MYO1A: variants seen among roughly 807,000 people sequenced by gnomAD.
MYO1A encodes the protein myosin IA.
Under a neutral mutation model 138.5 loss-of-function variants are expected in MYO1A, and 127 were observed. The ratio of observed to expected loss-of-function variants is 0.92; its 90% CI spans 0.79 to 1.06. The LOEUF is 1.06. Among genes scored for constraint, MYO1A ranks in the 50% least tolerant of loss-of-function variants. The probability of loss-of-function intolerance (pLI) is 0.00; values close to 1 mark genes in which losing one functional copy is unlikely to be tolerated. For missense variants in MYO1A, 1,211 were observed against 1,288.8 expected (o/e 0.94, Z 0.92); for synonymous variants, 477 against 497.5 (o/e 0.96, Z 0.55).
intron 27 of MYO1A, 53 bp downstream of exon 27, chr12:57,029,079 T>C: frequency 2.5e-6 from 4 of 1,613,618 alleles, no homozygotes; most frequent in Non-Finnish European, 3.4e-6. Flanking sequence ...ACGATGACCA[T>C]CAGCCTGGCC....
Position 57,047,330 on chromosome 12 carries a change from G to GCTGCTCCTTCACAGAGTTCAC in MYO1A, c.382_402dup (p.Val128_Gln134dup). 1 of 1,614,166 alleles carries GCTGCTCCTTCACAGAGTTCAC rather than the reference G, an allele frequency of 6.2e-7. No homozygotes were observed. Among genetic ancestry groups the GCTGCTCCTTCACAGAGTTCAC allele is most frequent in the Non-Finnish European group, 8.5e-7 (1 of 1,180,008 alleles). ...TCCAGCACTGGGTTAGACTGTAGCA[G>GCTGCTCCTTCACAGAGTTCAC]CTGCTCCTTCACAGAGTTCACCTGC... On this transcript the variant is annotated inframe_insertion, in exon 5 of 28. Transcript: ENST00000300119.
rs1266548047 is a variant in MYO1A, at chr12:57,038,525, C to G, written c.1647G>C (p.Glu549Asp). 1 of 1,614,198 alleles carries G rather than the reference C, an allele frequency of 6.2e-7. No individual in the cohort carries two copies. Among genetic ancestry groups the G allele is most frequent in the Non-Finnish European group, 8.5e-7 (1 of 1,180,048 alleles). The change falls in exon 17 of 28, where the codon GAG becomes GAC. Residue 549 changes from glutamate to aspartate, a missense_variant. Transcript: ENST00000300119. ...TGAGAGATGCCTGCTTAGGATTGCC[C>G]TCAGGAAACAAGGACCGAAGGAGGG... is the stretch of plus-strand genomic sequence containing the variant. ...QHPLLRSLFP[E>D]GNPKQASLKR... is the part of the protein sequence containing the mutation.
chr12:57,029,906 G>A (rs772583590), intron 24 of MYO1A, 34 bp from the exon 25 acceptor site: 41 of 1,613,936 alleles, frequency 2.5e-5, no homozygotes, highest in Admixed American at 1.0e-4. Flanking sequence ...AGCGCGACAA[G>A]GCCCAGAGGC....
Position 57,047,620 on chromosome 12 carries a change from G to A in MYO1A, c.325+7C>T, listed in dbSNP as rs760178185. On this transcript the variant is annotated splice_region_variant and intron_variant, in intron 4 of 27. Transcript: ENST00000300119. Reference sequence around the variant, plus strand: ...ACTCCATGTGTTCCCCCAGCCAGGGGCCTCACCAGTCTTCCCTGATCCACT... The same window carrying A: ...ACTCCATGTGTTCCCCCAGCCAGGGACCTCACCAGTCTTCCCTGATCCACT... The A allele has an allele frequency of 1.2e-6, 2 of 1,614,006 alleles. No individual in the cohort carries two copies. Among genetic ancestry groups the A allele is most frequent in the Non-Finnish European group, 1.7e-6 (2 of 1,179,850 alleles).
chr12:57,030,466 C>A, intron 23 of MYO1A, 150 bp from the exon 24 acceptor site: 1 of 660,560 alleles, frequency 1.5e-6, no homozygotes, highest in South Asian at 1.8e-5. Context: ...GAGGCCGGGG[C>A]TGGAGGACCA....
rs773332435 is a variant in MYO1A, at chr12:57,037,938, T to G, written c.1892A>C (p.Tyr631Ser). The part of the protein sequence containing the change: ...RRAGYAHRQG[Y>S]GPFLERYRLL... ...TCGGTACCTTTCCAGGAAGGGCCCA[T>G]AACCCTGGCGGTGGGCATAGCCTGC... is the stretch of plus-strand genomic sequence containing the variant. Residue 631 changes from tyrosine (Y) to serine (S), a missense_variant, in exon 18 of 28, where the codon TAT becomes TCT. By Grantham distance (144) the Tyr-to-Ser change is moderately radical (BLOSUM62 -2). Transcript: ENST00000300119. The G allele has an allele frequency of 1.2e-6, 2 of 1,614,144 alleles. No individual in the cohort carries two copies. Among genetic ancestry groups the G allele is most frequent in the Non-Finnish European group, 1.7e-6 (2 of 1,180,028 alleles).
At chr12:57,046,324 C>T (rs999800389) in intron 8 of MYO1A, among the ~76,000 whole-genome samples, 4 of 152,048 alleles carry the variant, frequency 2.6e-5, no homozygotes. Flanking sequence ...AAGGCATATC[C>T]CTGGCAATAA....
At position 57,048,114 on chromosome 12, in the gene MYO1A, GGAA is replaced by G. The variant is rs776804398; in HGVS notation, c.115-13_115-11del. On this transcript the variant is annotated splice_polypyrimidine_tract_variant and intron_variant, in intron 2 of 27. Coordinates refer to ENST00000300119, the MANE Select transcript of MYO1A (RefSeq NM_005379.4). ...CATTCCCAATGTAGGTCTGGAGCCAGGAAGAAGGTGAAGGGAATGAGCTTGAGG... is the reference window on the plus strand; with the variant it reads ...CATTCCCAATGTAGGTCTGGAGCCAGGAAGGTGAAGGGAATGAGCTTGAGG... The G allele has an allele frequency of 4.3e-6, 7 of 1,611,814 alleles. No individual in the cohort carries two copies. Among genetic ancestry groups the G allele is most frequent in the South Asian group, 1.1e-5 (1 of 91,040 alleles).
At chr12:57,051,036 C>T (rs2031316285), upstream of MYO1A, 1 of 152,242 alleles carries the variant, frequency 6.6e-6, no homozygotes, top group African/African-American at 2.4e-5. Context: ...ATAAGAAGTA[C>T]CCCTTCATCC....
At position 57,043,911 on chromosome 12, in the gene MYO1A, C is replaced by T; in HGVS notation, c.837G>A (p.Val279=). Residue 279 remains valine (V), a synonymous_variant, in exon 10 of 28, where the codon GTG becomes GTA. Transcript: ENST00000300119. ...TCCCACTGGCCTGGAACTCATCAGCCACCAACACGTTCCCCAGCTTTAGCA... is the reference window on the plus strand; with the variant it reads ...TCCCACTGGCCTGGAACTCATCAGCTACCAACACGTTCCCCAGCTTTAGCA... ...SMVLKLGNVL[V]ADEFQASGIP... 1 of 1,614,212 alleles carries T rather than the reference C, an allele frequency of 6.2e-7. No individual in the cohort carries two copies. The highest frequency in any genetic ancestry group is 8.5e-7 in the Non-Finnish European group (1 of 1,180,030).
In MYO1A at chr12:57,043,262, AC is replaced by A. The variant is rs1301058496; in HGVS notation, c.988del (p.Val330SerfsTer4). ...TACCTGCATAACATTCAGTGCAGTGACCACCTTTTCCTTGGCTGTTTCCATG... is the reference window on the plus strand; with the variant it reads ...TACCTGCATAACATTCAGTGCAGTGACACCTTTTCCTTGGCTGTTTCCATG... ...RTMETAKEKV[V>X]TALNVMQAQY... On this transcript the variant is annotated frameshift_variant, in exon 11 of 28. Coordinates refer to ENST00000300119, the MANE Select transcript of MYO1A (RefSeq NM_005379.4). LOFTEE classifies it high-confidence loss of function. 1 of 1,614,058 alleles carries A rather than the reference AC, an allele frequency of 6.2e-7. No individual in the cohort carries two copies. Among genetic ancestry groups the A allele is most frequent in the African/African-American group, 1.3e-5 (1 of 74,926 alleles).
At position 57,037,547 on chromosome 12, in the gene MYO1A, C is replaced by CA; in HGVS notation, c.2055dup (p.Leu686SerfsTer167). 6.2e-7 allele frequency: 1 copy of CA among 1,613,926 alleles called. No individual in the cohort carries two copies. Among genetic ancestry groups the CA allele is most frequent in the Non-Finnish European group, 8.5e-7 (1 of 1,179,820 alleles). On this transcript the variant is annotated frameshift_variant and splice_region_variant. Transcript: ENST00000300119. LOFTEE classifies it high-confidence loss of function. ...AAATGCTAATGCACTCTCTAACTCACAGTCTTGGGGCTTCTAATGAAGATC... is the reference window on the plus strand; with the variant it reads ...AAATGCTAATGCACTCTCTAACTCACAAGTCTTGGGGCTTCTAATGAAGATC...
At chr12:57,032,795 G>A (rs2030348610) in intron 22 of MYO1A, among the ~76,000 whole-genome samples, 1 of 152,126 alleles carries the variant, frequency 6.6e-6, no homozygotes, top group Non-Finnish European at 1.5e-5. Flanking sequence ...GGAGTGAAAT[G>A]GAACACCATT....
In MYO1A at chr12:57,037,915, G is replaced by A. The variant is rs768275431; in HGVS notation, c.1915C>T (p.Arg639Ter). ...GGCCAGGTGCTCCGGCTCAGCAATC[G>A]GTACCTTTCCAGGAAGGGCCCATAA... ...QGYGPFLERY[R>*]LLSRSTWPHW... Residue 639 changes from arginine (R) to a stop codon, truncating the protein, a stop_gained, in exon 18 of 28, where the codon CGA becomes TGA. Transcript: ENST00000300119. LOFTEE classifies it high-confidence loss of function. 1.1e-5 allele frequency: 17 copies of A among 1,613,980 alleles called. No individual in the cohort carries two copies. Among genetic ancestry groups the A allele is most frequent in the Middle Eastern group, 1.6e-4 (1 of 6,084 alleles).
intron 14 of MYO1A, among the ~76,000 whole-genome samples, chr12:57,040,339 T>G (rs1289917247): frequency 1.3e-5 from 2 of 152,158 alleles, no homozygotes; most frequent in Non-Finnish European, 2.9e-5. Context: ...ATAGATTTTG[T>G]GGGGAAATAT....
In MYO1A at chr12:57,028,698, G is replaced by T; in HGVS notation, c.*57C>A. 6.2e-7 allele frequency: 1 copy of T among 1,605,918 alleles called. No individual in the cohort carries two copies. Among genetic ancestry groups the T allele is most frequent in the African/African-American group, 1.3e-5 (1 of 74,918 alleles). Reference sequence around the variant, plus strand: ...GATCCTCCCACACAGGAGGGCAGAGGGGGATTAGTGCTGGTTCAGGAGGAA... The same window carrying T: ...GATCCTCCCACACAGGAGGGCAGAGTGGGATTAGTGCTGGTTCAGGAGGAA... On this transcript the variant is annotated 3_prime_UTR_variant, in exon 28 of 28. Coordinates refer to ENST00000300119, the MANE Select transcript of MYO1A (RefSeq NM_005379.4).
In MYO1A at chr12:57,043,300, C is replaced by T. The variant is rs2030945800; in HGVS notation, c.951G>A (p.Leu317=). The T allele has an allele frequency of 2.5e-6, 4 of 1,614,082 alleles. No homozygotes were observed. In the South Asian group the frequency reaches 3.3e-5, roughly 13 times the overall value. The change falls in exon 11 of 28, where the codon TTG becomes TTA. Residue 317 remains leucine, a synonymous_variant. Transcript: ENST00000300119. ...GLNSEEVERA[L]CSRTMETAKE... is the part of the protein sequence containing the mutation. The stretch of plus-strand genomic sequence containing the variant: ...TGGCTGTTTCCATGGTCCTCGAGCA[C>T]AAAGCTCTCTCTACTTCTTCTGAAT...
chr12:57,047,160 G>T, intron 5 of MYO1A, 53 bp from the exon 6 acceptor site: 1 of 1,604,030 alleles, frequency 6.2e-7, no homozygotes, highest in Admixed American at 1.7e-5. Flanking sequence ...AAAGGAGGAA[G>T]GGCTTCCAGT....
At position 57,029,836 on chromosome 12, in the gene MYO1A, C is replaced by T. The variant is rs549329883; in HGVS notation, c.2628G>A (p.Leu876=). ...GCTTCTGCAGCTTGGGGTTCCCTTG[C>T]AGCCCAATGTAGTCACCACAGAATG... is the stretch of plus-strand genomic sequence containing the variant. The part of the protein sequence containing the change: ...PIPFCGDYIG[L]QGNPKLQKLK... Residue 876 remains leucine, a synonymous_variant, in exon 25 of 28, where the codon CTG becomes CTA. Coordinates refer to ENST00000300119, the MANE Select transcript of MYO1A (RefSeq NM_005379.4). 4 of 1,614,188 alleles carry T rather than the reference C, an allele frequency of 2.5e-6. No homozygotes were observed. The Admixed American group carries it at 5.0e-5, about 20-fold the overall frequency.
Sources: gnomAD v4.1 joint callset for allele counts (sites outside exome capture counted in the v4.1 genomes callset) on GRCh38, gnomAD v4.1.1 for gene constraint, MANE v1.5 for transcripts, NCBI Gene and HGNC (gene_info 2026-07-23, HGNC 2026-07-21) for gene names.